Variants in GSDME observed in about 807,000 individuals in gnomAD.
GSDME encodes gasdermin-E.
A neutral mutation model predicts 47.5 loss-of-function variants in GSDME; 44 were observed. The observed-to-expected ratio is 0.93, with a 90% CI of 0.73 to 1.19. The LOEUF is 1.19. Ranked by LOEUF, GSDME falls within the 50% of genes most tolerant of loss-of-function variation. The pLI is 0.00. For missense variants in GSDME, 663 were observed against 604.2 expected (o/e 1.10, Z -1.02); for synonymous variants, 258 against 252.8 (o/e 1.02, Z -0.20).
chr7:24,795,160 G>T, the GSDME span, among the ~76,000 whole-genome samples: 1 of 152,112 alleles, frequency 6.6e-6, no homozygotes, highest in Non-Finnish European at 1.5e-5. Context: ...AATCCTCCGC[G>T]GGGGCCTACC....
In GSDME at chr7:24,730,269, G is replaced by A. The variant is rs528214681; in HGVS notation, c.405-11051C>T. Among the ~76,000 whole-genome samples, 63 of 152,326 alleles carry A rather than the reference G, an allele frequency of 4.1e-4. 1 individual carries two copies. The South Asian group carries it at 0.013, about 31-fold the overall frequency. On this transcript the variant is annotated intron_variant, in intron 3 of 9. Transcript: ENST00000645220. Reference sequence around the variant, plus strand: ...GTAGACACTGCAGCTCATCAGTTCTGAGACACATATTTTTTTCTTTACATT... The same window carrying A: ...GTAGACACTGCAGCTCATCAGTTCTAAGACACATATTTTTTTCTTTACATT...
chr7:24,774,237 T>A, the GSDME span, among the ~76,000 whole-genome samples: 1 of 101,180 alleles, frequency 9.9e-6, no homozygotes, highest in African/African-American at 4.9e-5. Flanking sequence ...TATTGGTCTG[T>A]CTTCCCTCTC....
chr7:24,706,944 A>G (rs138391011), intron 7 of GSDME, among the ~76,000 whole-genome samples: 3 of 152,332 alleles, frequency 2.0e-5, no homozygotes, highest in Non-Finnish European at 2.9e-5. Context: ...TTGCTTCTCC[A>G]GCATTTGACA....
chr7:24,708,304 C>T (rs765249973), intron 6 of GSDME, 50 bp from the exon 7 acceptor site: 22 of 1,610,108 alleles, frequency 1.4e-5, no homozygotes, highest in South Asian at 4.4e-5. Context: ...GCACATCTCA[C>T]GACGTCGGAC....
Position 24,706,256 on chromosome 7 carries a change from A to C in GSDME, c.1111T>G (p.Cys371Gly), listed in dbSNP as rs138301435. 3.4e-5 allele frequency: 55 copies of C among 1,614,150 alleles called. 2 individuals carry two copies. In the Middle Eastern group the frequency reaches 1.3e-3, roughly 39 times the overall value. The change falls in exon 8 of 10, where the codon TGT (cysteine) becomes GGT (glycine). Residue 371 changes from cysteine to glycine, a missense_variant. Physicochemically the swap from Cys to Gly is radical, Grantham distance 159. Coordinates refer to ENST00000645220, the MANE Select transcript of GSDME (RefSeq NM_001127453.2). ...CTGCCTGCATCCTCGGGGCCCGGAC[A>C]CCCACCCTGTAAGCTGCACCCCACC... The part of the protein sequence containing the change: ...QLVGCSLQGG[C>G]PGPEDAGSKQ...
chr7:24,714,704 G>A lies in GSDME; in HGVS notation c.697+2550C>T, dbSNP rs370746895. 9.2e-5 allele frequency among the ~76,000 whole-genome samples: 14 copies of A among 152,350 alleles called. 1 individual carries two copies. The highest frequency in any genetic ancestry group is 7.2e-4 in the Admixed American group (11 of 15,300). ...GAGAGCCCTGCCAGAACAAGGCTGT[G>A]TGTCTTTCAAACCCCATCTGAGAAA... On this transcript the variant is annotated intron_variant, in intron 5 of 9. Transcript: ENST00000645220. This position sits in a 1 kb window ranked among gnomAD's most constrained non-coding sequence, Gnocchi z 5.0.
At chr7:24,719,951 G>C (rs1250470942) in intron 3 of GSDME, among the ~76,000 whole-genome samples, 1 of 152,192 alleles carries the variant, frequency 6.6e-6, no homozygotes, top group African/African-American at 2.4e-5. Flanking sequence ...TGGGAGGAAT[G>C]GTGACCAATT....
chr7:24,759,608 T>C (rs78849264), upstream of GSDME, among the ~76,000 whole-genome samples: 25,862 of 152,246 alleles, frequency 0.17, 2,268 homozygotes, highest in Non-Finnish European at 0.18. Context: ...GGAATGCTCA[T>C]ACAACTGGGA....
the GSDME span, among the ~76,000 whole-genome samples, chr7:24,788,127 G>A: frequency 8.5e-5 from 13 of 152,302 alleles, no homozygotes; most frequent in South Asian, 4.1e-4. The surrounding 1 kb of genome is among the most constrained non-coding windows in gnomAD (Gnocchi z 4.6). Context: ...CTGAAAATGC[G>A]TCCAAACACT....
chr7:24,743,195 T>G (rs554723477), intron 3 of GSDME, among the ~76,000 whole-genome samples: 51 of 152,344 alleles, frequency 3.3e-4, no homozygotes, highest in South Asian at 1.0e-3. Flanking sequence ...ACCCACCTAA[T>G]GCTATGTGAG....
rs1357213116 is a variant in GSDME at position 24,728,406 on chromosome 7, C to A, written c.405-9188G>T. On this transcript the variant is annotated intron_variant, in intron 3 of 9. Transcript: ENST00000645220. The surrounding 1 kb of genome is among the most constrained non-coding windows in gnomAD (Gnocchi z 7.2). ...CTTATGTGAGATAATAACAAATGTT[C>A]TTTGCAACCAGACACCCTAACTGGT... Among the ~76,000 whole-genome samples, 1 of 152,172 alleles carries A rather than the reference C, an allele frequency of 6.6e-6. No individual in the cohort carries two copies. Among genetic ancestry groups the A allele is most frequent in the Non-Finnish European group, 1.5e-5 (1 of 68,036 alleles).
intron 3 of GSDME, among the ~76,000 whole-genome samples, chr7:24,720,317 CTA>C (rs1789730929): frequency 6.6e-6 from 1 of 152,318 alleles, no homozygotes; most frequent in Admixed American, 6.5e-5. Flanking sequence ...AAGAACCAAA[CTA>C]GAGTTGGTGA....
rs1562713148 is a variant in GSDME, at chr7:24,745,036, G to GTGT, written c.212-283_212-282insACA. Among the ~76,000 whole-genome samples the GTGT allele has an allele frequency of 1.5e-5, 2 of 135,974 alleles. No homozygotes were observed. The highest frequency in any genetic ancestry group is 2.4e-4 in the South Asian group (1 of 4,190). 89.2% of individuals were successfully genotyped at this position (135,974 alleles called of 152,430 possible). On this transcript the variant is annotated intron_variant, in intron 2 of 9. Transcript: ENST00000645220. The surrounding 1 kb of genome is among the most constrained non-coding windows in gnomAD (Gnocchi z 4.4). ...GTGTGTGTGTGTGTGTGTGTGTGTGGACCACGGGCACACAGTGGACCAGTG... is the reference window on the plus strand; with the variant it reads ...GTGTGTGTGTGTGTGTGTGTGTGTGGTGTACCACGGGCACACAGTGGACCAGTG...
chr7:24,710,378 A>C lies in GSDME; in HGVS notation c.708T>G (p.Leu236=). ...VKLDGQFEFC[L]LRGKQGGFEN... The stretch of plus-strand genomic sequence containing the variant: ...CGAAGCCACCTTGCTTCCCTCGGAG[A>C]AGGCAGAACTCTGTAGTGCAGGAGA... The change falls in exon 6 of 10, where the codon CTT becomes CTG. Residue 236 remains leucine, a synonymous_variant. Transcript: ENST00000645220. 6.2e-7 allele frequency: 1 copy of C among 1,614,242 alleles called. No individual in the cohort carries two copies. The highest frequency in any genetic ancestry group is 1.7e-5 in the Admixed American group (1 of 60,028).
In GSDME at chr7:24,721,980, T is replaced by C. The variant is rs1202694179; in HGVS notation, c.405-2762A>G. ...CGGGGAAGCATTCCCTGCACCCCCA[T>C]CATGCTATCACACCCTAAGATCACT... On this transcript the variant is annotated intron_variant, in intron 3 of 9. Coordinates refer to ENST00000645220, the MANE Select transcript of GSDME (RefSeq NM_001127453.2). The surrounding 1 kb of genome is among the most constrained non-coding windows in gnomAD (Gnocchi z 4.1). Among the ~76,000 whole-genome samples, 1 of 152,186 alleles carries C rather than the reference T, an allele frequency of 6.6e-6. No individual in the cohort carries two copies. Among genetic ancestry groups the C allele is most frequent in the African/African-American group, 2.4e-5 (1 of 41,444 alleles).
chr7:24,783,868 G>C, the GSDME span, among the ~76,000 whole-genome samples: 2 of 152,112 alleles, frequency 1.3e-5, no homozygotes, highest in African/African-American at 4.8e-5. Flanking sequence ...GAGAAGAGAG[G>C]AATGGGTTGG....
At position 24,735,318 on chromosome 7, in the gene GSDME, T is replaced by C. The variant is rs1252676337; in HGVS notation, c.404+9244A>G. ...GAGAGTATTTTAATCAGAAAGGACA[T>C]TAATAAGCAATAAGAAATCATCTGA... On this transcript the variant is annotated intron_variant, in intron 3 of 9. Transcript: ENST00000645220. The surrounding 1 kb of genome is among the most constrained non-coding windows in gnomAD (Gnocchi z 4.4). Among the ~76,000 whole-genome samples, 1 of 152,144 alleles carries C rather than the reference T, an allele frequency of 6.6e-6. No homozygotes were observed. Among genetic ancestry groups the C allele is most frequent in the African/African-American group, 2.4e-5 (1 of 41,414 alleles).
rs1476930422 is a variant in GSDME at position 24,699,133 on chromosome 7, G to T, written c.1384C>A (p.Leu462Met). Residue 462 changes from leucine to methionine, a missense_variant, in exon 10 of 10, where the codon CTG becomes ATG. Coordinates refer to ENST00000645220, the MANE Select transcript of GSDME (RefSeq NM_001127453.2). Reference protein sequence around the residue: ...FASADISLERLKSSVKAVILK... With the variant: ...FASADISLERMKSSVKAVILK... ...ATGACAGCTTTCACAGATGACTTCA[G>T]TCTCTCCAGACTAATGTCAGCTGAG... 1.2e-6 allele frequency: 2 copies of T among 1,614,112 alleles called. No individual in the cohort carries two copies. The highest frequency in any genetic ancestry group is 1.7e-6 in the Non-Finnish European group (2 of 1,179,984).
At chr7:24,741,429 G>C (rs780798767) in intron 3 of GSDME, among the ~76,000 whole-genome samples, 9 of 151,852 alleles carry the variant, frequency 5.9e-5, no homozygotes, top group Middle Eastern at 3.2e-3. Context: ...TTTCCATCAA[G>C]AATGCTAAGA....
Sources: gnomAD v4.1 joint callset for allele counts (sites outside exome capture counted in the v4.1 genomes callset) on GRCh38, gnomAD v4.1.1 for gene constraint, Gnocchi (gnomAD v3.1) non-coding constraint, MANE v1.5 for transcripts, NCBI Gene and HGNC (gene_info 2026-07-23, HGNC 2026-07-21) for gene names.